CD109: variants seen among roughly 807,000 people sequenced by gnomAD.
CD109 encodes CD109 molecule.
In CD109, 149 loss-of-function variants were observed where a neutral mutation model predicts 165.8. The ratio of observed to expected loss-of-function variants is 0.90; its 90% CI spans 0.79 to 1.03. The LOEUF (loss-of-function observed/expected upper bound fraction) is 1.03, where lower values mean the gene tolerates loss of function less well. Ranked by LOEUF, CD109 falls within the 50% of genes least tolerant of loss-of-function variation. CD109 has a pLI of 0.00. For synonymous variants in CD109, 585 were observed against 592.1 expected (o/e 0.99, Z 0.18); for missense variants, 1,712 against 1,677.8 (o/e 1.02, Z -0.36).
intron 15 of CD109, among the ~76,000 whole-genome samples, chr6:73,772,889 CT>C (rs1774095234): frequency 6.7e-6 from 1 of 148,642 alleles, no homozygotes; most frequent in African/African-American, 2.5e-5. Context: ...TTTTTTCAAT[CT>C]TTTCTTTTTT....
At chr6:73,710,031 C>G (rs1771463254) in intron 2 of CD109, among the ~76,000 whole-genome samples, 4 of 152,176 alleles carry the variant, frequency 2.6e-5, no homozygotes, top group Admixed American at 2.6e-4. Context: ...AAAACTGGCA[C>G]AAGACAGGGA....
chr6:73,778,697 G>A (rs1420748038), intron 15 of CD109, among the ~76,000 whole-genome samples: 3 of 151,976 alleles, frequency 2.0e-5, no homozygotes, highest in African/African-American at 7.2e-5. Context: ...ATTGGTGCCT[G>A]TTCTAGTTGC....
At chr6:73,767,064 T>A in intron 13 of CD109, 54 bp downstream of exon 13, 1 of 1,501,992 alleles carries the variant, frequency 6.7e-7, no homozygotes, top group African/African-American at 1.4e-5. Context: ...ATCTTTTTAT[T>A]CACTTTTAAG....
intron 26 of CD109, among the ~76,000 whole-genome samples, chr6:73,808,805 G>GGT (rs10552233): frequency 2.5e-3 from 361 of 145,982 alleles, no homozygotes; most frequent in African/African-American, 4.5e-3. Context: ...CAGGGATCCA[G>GGT]GTGTGTGTGT....
chr6:73,769,191 G>C (rs746297607), intron 14 of CD109, among the ~76,000 whole-genome samples: 1 of 152,022 alleles, frequency 6.6e-6, no homozygotes, highest in Non-Finnish European at 1.5e-5. Flanking sequence ...CGCCAGGCCT[G>C]TACTTTAGTT....
chr6:73,715,207 C>T (rs2150160048), intron 2 of CD109, among the ~76,000 whole-genome samples: 1 of 152,264 alleles, frequency 6.6e-6, no homozygotes, highest in East Asian at 1.9e-4. Context: ...TTGCAGTGAG[C>T]TGAGATCGTG....
intron 5 of CD109, among the ~76,000 whole-genome samples, chr6:73,754,090 G>A (rs1773294668): frequency 6.6e-6 from 1 of 152,130 alleles, no homozygotes; most frequent in African/African-American, 2.4e-5. Flanking sequence ...ATCCACCATG[G>A]GGAGAGGGCA....
intron 10 of CD109, 151 bp from the exon 11 acceptor site, chr6:73,765,779 T>C (rs1295674464): frequency 1.7e-6 from 1 of 594,958 alleles, no homozygotes; most frequent in Non-Finnish European, 2.9e-6. Context: ...TGATGTTGGA[T>C]GCCTCCTAGA....
chr6:73,734,538 C>T (rs12530208), intron 4 of CD109, among the ~76,000 whole-genome samples: 9,123 of 152,278 alleles, frequency 0.06, 329 homozygotes, highest in African/African-American at 0.099. Flanking sequence ...CCCTCCCATG[C>T]GTCATGCTGT....
At chr6:73,729,335 AGTGTGTGTGT>A (rs142514181) in intron 3 of CD109, among the ~76,000 whole-genome samples, 1 of 148,282 alleles carries the variant, frequency 6.7e-6, no homozygotes, top group East Asian at 2.0e-4. Context: ...ACCACATCAA[AGTGTGTGTGT>A]GTGTGTGTGT....
intron 15 of CD109, among the ~76,000 whole-genome samples, chr6:73,777,285 T>C (rs1774287302): frequency 6.6e-6 from 1 of 152,110 alleles, no homozygotes; most frequent in Admixed American, 6.5e-5. Context: ...AAAAATTTTT[T>C]TTTTCTTGTA....
intron 22 of CD109, among the ~76,000 whole-genome samples, chr6:73,792,329 AT>A (rs1774999343): frequency 1.3e-5 from 2 of 152,140 alleles, no homozygotes; most frequent in Admixed American, 1.3e-4. Flanking sequence ...AATTCTGTAC[AT>A]TTTTTTAAAG....
chr6:73,809,399 G>A (rs1775677005), intron 26 of CD109, among the ~76,000 whole-genome samples: 1 of 152,074 alleles, frequency 6.6e-6, no homozygotes, highest in Non-Finnish European at 1.5e-5. Context: ...TAAGTAACGT[G>A]CATTATCTTC....
intron 28 of CD109, 112 bp downstream of exon 28, chr6:73,811,259 T>C: frequency 8.1e-7 from 1 of 1,233,080 alleles, no homozygotes; most frequent in Non-Finnish European, 1.1e-6. Context: ...CAGAGCTCTG[T>C]AGAGTAATAG....
At chr6:73,758,681 C>A (rs1164459644) in intron 6 of CD109, among the ~76,000 whole-genome samples, 1 of 152,168 alleles carries the variant, frequency 6.6e-6, no homozygotes, top group African/African-American at 2.4e-5. Flanking sequence ...CTACTCCCAG[C>A]CTCATACCTT....
At chr6:73,814,159 GGT>G (rs932670010) in intron 29 of CD109, among the ~76,000 whole-genome samples, 4 of 151,816 alleles carry the variant, frequency 2.6e-5, no homozygotes, top group Admixed American at 6.6e-5. Flanking sequence ...AGTTCTGAGG[GGT>G]GTGTGTGTAT....
intron 4 of CD109, among the ~76,000 whole-genome samples, chr6:73,734,384 A>T (rs578176468): frequency 3.0e-3 from 456 of 152,338 alleles, no homozygotes; most frequent in Non-Finnish European, 5.3e-3. Context: ...ACCAAGAATT[A>T]TTGTTATTAT....
upstream of CD109, chr6:73,696,021 T>G (rs1582020677): frequency 3.6e-6 from 2 of 554,780 alleles, no homozygotes; most frequent in Admixed American, 3.2e-5. Flanking sequence ...GCCATTGTAA[T>G]GGGGATGGGA....
intron 2 of CD109, among the ~76,000 whole-genome samples, chr6:73,719,986 A>G (rs994007902): frequency 6.6e-6 from 1 of 152,220 alleles, no homozygotes; most frequent in African/African-American, 2.4e-5. Flanking sequence ...CTCCCAAAGT[A>G]TAACTGGTGT....
Sources: gnomAD v4.1 joint callset for allele counts (sites outside exome capture counted in the v4.1 genomes callset) on GRCh38, gnomAD v4.1.1 for gene constraint, MANE v1.5 for transcripts, NCBI Gene and HGNC (gene_info 2026-07-23, HGNC 2026-07-21) for gene names.